Variants in FREM2 observed in about 807,000 individuals in gnomAD.
FREM2 encodes the protein FRAS1 related extracellular matrix 2.
FREM2 carries 119 observed loss-of-function variants against 219.9 expected under a neutral mutation model. The observed-to-expected ratio is 0.54, with a 90% CI of 0.47 to 0.63. FREM2 has a LOEUF of 0.63. FREM2 is among the 30% of genes least tolerant of loss of function. FREM2 has a pLI of 0.00. For synonymous variants in FREM2, 1,562 were observed against 1,522.8 expected (o/e 1.03, Z -0.60); for missense variants, 4,030 against 3,993.6 (o/e 1.01, Z -0.25).
At chr13:38,806,274 A>T (rs578113313) in intron 6 of FREM2, among the ~76,000 whole-genome samples, 2 of 152,022 alleles carry the variant, frequency 1.3e-5, no homozygotes, top group South Asian at 4.2e-4. Context: ...CCAGCTGTTT[A>T]TGGAGAATAG....
chr13:38,751,437 G>C (rs533449761), intron 2 of FREM2, among the ~76,000 whole-genome samples: 1 of 152,104 alleles, frequency 6.6e-6, no homozygotes, highest in East Asian at 1.9e-4. Flanking sequence ...AAACCCTACA[G>C]AGCTTGACTC....
chr13:38,752,730 T>C (rs923655320), intron 2 of FREM2, among the ~76,000 whole-genome samples: 3 of 152,242 alleles, frequency 2.0e-5, no homozygotes, highest in Non-Finnish European at 2.9e-5. Flanking sequence ...GTTCAGACTG[T>C]AATCCATGTT....
In FREM2 at chr13:38,689,966, T is replaced by G; in HGVS notation, c.2622T>G (p.His874Gln). Reference protein sequence around the residue: ...ISFTLTQAPKHGHMRVSGQIL... With the variant: ...ISFTLTQAPKQGHMRVSGQIL... ...TCACTCTCACTCAGGCACCCAAACA[T>G]GGCCACATGAGAGTGTCTGGACAGA... The change falls in exon 1 of 24, where the codon CAT becomes CAG. Residue 874 changes from histidine (H) to glutamine (Q), a missense_variant. Physicochemically the swap from His to Gln is conservative, Grantham distance 24. Transcript: ENST00000280481. 6.2e-7 allele frequency: 1 copy of G among 1,614,120 alleles called. No homozygotes were observed. Among genetic ancestry groups the G allele is most frequent in the Non-Finnish European group, 8.5e-7 (1 of 1,180,022 alleles).
chr13:38,831,264 G>A (rs1170601485), intron 6 of FREM2, among the ~76,000 whole-genome samples: 1 of 152,108 alleles, frequency 6.6e-6, no homozygotes, highest in South Asian at 2.1e-4. Flanking sequence ...TACTCATGAA[G>A]CCTCTTCACA....
chr13:38,717,557 C>T (rs1871060383), intron 2 of FREM2, among the ~76,000 whole-genome samples: 1 of 150,996 alleles, frequency 6.6e-6, no homozygotes, highest in East Asian at 2.0e-4. Context: ...GCTGGGATTA[C>T]AGGCACACAT....
Position 38,856,244 on chromosome 13 carries a change from A to T in FREM2, c.7044A>T (p.Ile2348=), listed in dbSNP as rs367923044. Residue 2348 remains isoleucine, a synonymous_variant, in exon 12 of 24, where the codon ATA becomes ATT. Transcript: ENST00000280481. The part of the protein sequence containing the change: ...TVHLKPDENM[I]AEMQLTKAIV... Reference sequence around the variant, plus strand: ...ACCTAAAACCTGATGAAAATATGATAGCAGAGATGCAGGTAAGTAATGTAA... The same window carrying T: ...ACCTAAAACCTGATGAAAATATGATTGCAGAGATGCAGGTAAGTAATGTAA... The T allele has an allele frequency of 2.3e-5, 37 of 1,612,444 alleles. No individual in the cohort carries two copies. The African/African-American group carries it at 4.7e-4, about 20-fold the overall frequency.
chr13:38,687,647 C>T lies in FREM2; in HGVS notation c.303C>T (p.Pro101=), dbSNP rs8002488. The T allele has an allele frequency of 6.2e-7, 1 of 1,607,438 alleles. No individual in the cohort carries two copies. Among genetic ancestry groups the T allele is most frequent in the Non-Finnish European group, 8.5e-7 (1 of 1,176,582 alleles). Residue 101 remains proline, a synonymous_variant, in exon 1 of 24, where the codon CCC becomes CCT. Transcript: ENST00000280481. ...PLHDLVLQVQ[P]GDRCAVSVLD... is the part of the protein sequence containing the mutation. ...ATGACCTGGTGTTGCAGGTGCAGCC[C>T]GGGGACCGCTGCGCGGTTTCGGTAC...
At chr13:38,694,648 A>G (rs1566107312) in intron 1 of FREM2, among the ~76,000 whole-genome samples, 1 of 152,248 alleles carries the variant, frequency 6.6e-6, no homozygotes, top group Non-Finnish European at 1.5e-5. Context: ...ACAGGTAGCT[A>G]GAGAAGGTTA....
chr13:38,742,606 G>T (rs183721694), intron 2 of FREM2, among the ~76,000 whole-genome samples: 1 of 152,038 alleles, frequency 6.6e-6, no homozygotes, highest in African/African-American at 2.4e-5. Context: ...CATTGCATTT[G>T]CCCTGTTTCC....
At chr13:38,765,821 C>T (rs1233710508) in intron 3 of FREM2, among the ~76,000 whole-genome samples, 3 of 151,816 alleles carry the variant, frequency 2.0e-5, no homozygotes, top group African/African-American at 7.2e-5. Flanking sequence ...GCCTCACCCC[C>T]AGCCTCTGCT....
intron 2 of FREM2, among the ~76,000 whole-genome samples, chr13:38,709,499 G>T (rs1323185917): frequency 6.6e-6 from 1 of 151,844 alleles, no homozygotes; most frequent in East Asian, 1.9e-4. Context: ...TGATGTATGG[G>T]GCAGCACAAA....
chr13:38,818,166 G>A (rs1490697852), intron 6 of FREM2, among the ~76,000 whole-genome samples: 1 of 152,104 alleles, frequency 6.6e-6, no homozygotes, highest in East Asian at 1.9e-4. Context: ...ATATTATTCA[G>A]CAATCCCACA....
chr13:38,864,462 G>A lies in FREM2; in HGVS notation c.7839G>A (p.Gln2613=). Residue 2613 remains glutamine (Q), a synonymous_variant, in exon 16 of 24, where the codon CAG becomes CAA. Coordinates refer to ENST00000280481, the MANE Select transcript of FREM2 (RefSeq NM_207361.6). The stretch of plus-strand genomic sequence containing the variant: ...TAATTGGAGAGACATATCCTTACCA[G>A]TACAGCTTGTCCATCAGAGGTTCCA... ...PEIIGETYPY[Q]YSLSIRGSTT... is the part of the protein sequence containing the mutation. The A allele has an allele frequency of 6.2e-7, 1 of 1,614,172 alleles. No individual in the cohort carries two copies. Among genetic ancestry groups the A allele is most frequent in the Non-Finnish European group, 8.5e-7 (1 of 1,180,024 alleles).
intron 6 of FREM2, among the ~76,000 whole-genome samples, chr13:38,827,019 T>C (rs1876315075): frequency 6.6e-6 from 1 of 152,174 alleles, no homozygotes; most frequent in African/African-American, 2.4e-5. Flanking sequence ...AATCAGATTC[T>C]CATTACACAT....
chr13:38,859,924 G>A (rs1877702593), intron 14 of FREM2, among the ~76,000 whole-genome samples: 2 of 151,792 alleles, frequency 1.3e-5, no homozygotes, highest in Admixed American at 1.3e-4. Flanking sequence ...AGGTAGAAGT[G>A]ATTAGTTTTA....
intron 16 of FREM2, among the ~76,000 whole-genome samples, chr13:38,866,447 G>A (rs992020844): frequency 5.9e-5 from 9 of 151,722 alleles, no homozygotes; most frequent in African/African-American, 9.7e-5. Flanking sequence ...GCAGTGAGCC[G>A]AGATCACGCC....
intron 2 of FREM2, among the ~76,000 whole-genome samples, chr13:38,748,754 A>G (rs1429722561): frequency 6.6e-6 from 1 of 152,180 alleles, no homozygotes; most frequent in Non-Finnish European, 1.5e-5. Flanking sequence ...TGTAATACCT[A>G]TTAACTACCA....
chr13:38,794,275 T>C (rs756145852), intron 6 of FREM2, among the ~76,000 whole-genome samples: 6 of 152,194 alleles, frequency 3.9e-5, no homozygotes, highest in Non-Finnish European at 8.8e-5. Context: ...GAATAGTCAG[T>C]ATTAAGGGTA....
At chr13:38,692,546 T>C in intron 1 of FREM2, 29 bp downstream of exon 1, 2 of 1,601,488 alleles carry the variant, frequency 1.2e-6, no homozygotes, top group Non-Finnish European at 1.7e-6. Context: ...TTCTTGGTTA[T>C]CCTTGTTTCC....
Sources: gnomAD v4.1 joint callset for allele counts (sites outside exome capture counted in the v4.1 genomes callset) on GRCh38, gnomAD v4.1.1 for gene constraint, MANE v1.5 for transcripts, NCBI Gene and HGNC (gene_info 2026-07-23, HGNC 2026-07-21) for gene names.